SLC44A2: variants seen among roughly 807,000 people sequenced by gnomAD.
SLC44A2 encodes the protein choline transporter-like protein 2.
In SLC44A2, 57 loss-of-function variants were observed where a neutral mutation model predicts 90.8. That is an observed-to-expected ratio of 0.63 (90% confidence interval 0.51 to 0.78). The LOEUF (loss-of-function observed/expected upper bound fraction) is 0.78, where lower values mean the gene tolerates loss of function less well. Ranked by LOEUF, SLC44A2 falls within the 30% of genes least tolerant of loss-of-function variation. SLC44A2 has a pLI of 0.00. For synonymous variants in SLC44A2, 355 were observed against 360.7 expected (o/e 0.98, Z 0.18); for missense variants, 794 against 919.7 (o/e 0.86, Z 1.77).
chr19:10,608,227 A>T (rs962107968), intron 1 of SLC44A2, among the ~76,000 whole-genome samples: 3 of 84,000 alleles, frequency 3.6e-5, no homozygotes, highest in Non-Finnish European at 6.4e-5. Flanking sequence ...CGTCTCAAAG[A>T]AAAAAAAAAA....
At chr19:10,616,654 C>G (rs540570705) in intron 1 of SLC44A2, among the ~76,000 whole-genome samples, 24 of 151,986 alleles carry the variant, frequency 1.6e-4, no homozygotes, top group South Asian at 2.1e-4. Context: ...CACCTGAGGT[C>G]AGGAGTTCAA....
At chr19:10,618,421 G>A (rs2885055) in intron 1 of SLC44A2, among the ~76,000 whole-genome samples, 119,248 of 146,794 alleles carry the variant, frequency 0.81, 48,508 homozygotes, top group African/African-American at 0.86. Flanking sequence ...TGATCTCCCC[G>A]CCTTCGCCTC....
At chr19:10,621,440 T>TTTTGTTTTTG (rs2066894491), upstream of SLC44A2, among the ~76,000 whole-genome samples, 2 of 143,978 alleles carry the variant, frequency 1.4e-5, no homozygotes, top group Admixed American at 6.9e-5. Context: ...TTTTTTTTTT[T>TTTTGTTTTTG]TGGTTTTTGT....
intron 4 of SLC44A2, among the ~76,000 whole-genome samples, chr19:10,629,497 C>T (rs985363773): frequency 1.3e-5 from 2 of 151,370 alleles, no homozygotes; most frequent in Non-Finnish European, 2.9e-5. Context: ...AGGCTGGTCT[C>T]GAACTCCTGA....
chr19:10,642,619 C>T (rs1440180970), intron 21 of SLC44A2, among the ~76,000 whole-genome samples, 168 bp downstream of exon 21: 1 of 152,184 alleles, frequency 6.6e-6, no homozygotes, highest in African/African-American at 2.4e-5. Flanking sequence ...TCCTTTTGCG[C>T]TTAGAAGCAG....
At position 10,638,015 on chromosome 19, in the gene SLC44A2, C is replaced by T; in HGVS notation, c.1770-8C>T. 6.2e-7 allele frequency: 1 copy of T among 1,614,080 alleles called. No homozygotes were observed. Among genetic ancestry groups the T allele is most frequent in the East Asian group, 2.2e-5 (1 of 44,878 alleles). ...GCATTCACACCTGCCCCTCACTGTCCCCTGCAGAGTGGCTGTCCTGGATAA... is the reference window on the plus strand; with the variant it reads ...GCATTCACACCTGCCCCTCACTGTCTCCTGCAGAGTGGCTGTCCTGGATAA... On this transcript the variant is annotated splice_polypyrimidine_tract_variant and splice_region_variant and intron_variant, in intron 18 of 21. Coordinates refer to ENST00000335757, the MANE Select transcript of SLC44A2 (RefSeq NM_020428.4).
At chr19:10,642,856 C>A in intron 21 of SLC44A2, 2 of 1,541,854 alleles carry the variant, frequency 1.3e-6, no homozygotes, top group Admixed American at 2.0e-5. Context: ...CCCTTCCCGA[C>A]CACCCCATTT....
intron 14 of SLC44A2, 45 bp from the exon 15 acceptor site, chr19:10,636,278 C>A (rs1401054130): frequency 6.3e-7 from 1 of 1,577,688 alleles, no homozygotes; most frequent in Admixed American, 1.8e-5. Context: ...CACTGTGAAC[C>A]CCTGGTGCCT....
upstream of SLC44A2, chr19:10,625,403 C>T: frequency 8.7e-7 from 1 of 1,144,188 alleles, no homozygotes. Context: ...TAAATGCGGC[C>T]GGCCGGTGAG....
intron 1 of SLC44A2, among the ~76,000 whole-genome samples, chr19:10,608,811 C>T (rs185765800): frequency 2.6e-5 from 4 of 151,562 alleles, no homozygotes; most frequent in Admixed American, 2.0e-4. Context: ...TTACCGTGCC[C>T]GATTAATTTT....
At chr19:10,628,365 C>A (rs1056797265) in intron 4 of SLC44A2, among the ~76,000 whole-genome samples, 2 of 152,084 alleles carry the variant, frequency 1.3e-5, no homozygotes, top group African/African-American at 4.8e-5. Flanking sequence ...TAGCCTGGGG[C>A]ACAGAGTGAG....
intron 14 of SLC44A2, chr19:10,635,903 C>T (rs748148902): frequency 3.3e-5 from 8 of 244,130 alleles, no homozygotes; most frequent in South Asian, 5.4e-5. Context: ...CTCAGCCTCC[C>T]GAGTAGCTGG....
upstream of SLC44A2, among the ~76,000 whole-genome samples, chr19:10,623,871 G>A (rs2066909480): frequency 6.6e-6 from 1 of 151,824 alleles, no homozygotes; most frequent in African/African-American, 2.4e-5. Flanking sequence ...TGTATTTTTA[G>A]TACAGACAGG....
chr19:10,613,698 A>C (rs1215518147), intron 1 of SLC44A2, among the ~76,000 whole-genome samples: 3 of 152,098 alleles, frequency 2.0e-5, no homozygotes, highest in Non-Finnish European at 4.4e-5. Flanking sequence ...AAAATGGAAG[A>C]GGGTGGTAGC....
intron 8 of SLC44A2, 23 bp downstream of exon 8, chr19:10,631,772 C>G (rs1431853030): frequency 6.2e-6 from 10 of 1,613,988 alleles, no homozygotes; most frequent in African/African-American, 1.3e-5. Flanking sequence ...GCGCACCGCG[C>G]CAGGGTCTCA....
chr19:10,603,146 T>G (rs1282049959), intron 1 of SLC44A2, among the ~76,000 whole-genome samples: 1 of 152,092 alleles, frequency 6.6e-6, no homozygotes, highest in Non-Finnish European at 1.5e-5. Context: ...CCCCTCCCTG[T>G]GCAAGGGGCT....
At chr19:10,636,777 G>A in intron 16 of SLC44A2, 21 bp downstream of exon 16, 1 of 1,607,336 alleles carries the variant, frequency 6.2e-7, no homozygotes, top group East Asian at 2.2e-5. Context: ...CCCACGGTTC[G>A]CATTAGCTCC....
intron 14 of SLC44A2, 187 bp downstream of exon 14, chr19:10,635,702 A>G: frequency 1.8e-6 from 1 of 562,218 alleles, no homozygotes; most frequent in Non-Finnish European, 3.1e-6. Context: ...TCCCAGGGCA[A>G]GCTGGCTTCC....
At chr19:10,602,730 G>A (rs1917995951) in intron 1 of SLC44A2, among the ~76,000 whole-genome samples, 1 of 152,148 alleles carries the variant, frequency 6.6e-6, no homozygotes, top group Non-Finnish European at 1.5e-5. Context: ...TGCTCTAACC[G>A]GGTCGCCCCG....
Sources: gnomAD v4.1 joint callset for allele counts (sites outside exome capture counted in the v4.1 genomes callset) on GRCh38, gnomAD v4.1.1 for gene constraint, MANE v1.5 for transcripts, NCBI Gene and HGNC (gene_info 2026-07-23, HGNC 2026-07-21) for gene names.